TIAM2: variants seen among roughly 807,000 people sequenced by gnomAD.
TIAM2 encodes TIAM Rac1 associated GEF 2, also known as rho guanine nucleotide exchange factor TIAM2.
Under a neutral mutation model 152.9 loss-of-function variants are expected in TIAM2, and 80 were observed. That is an observed-to-expected ratio of 0.52 (90% CI 0.44 to 0.63). TIAM2 has a LOEUF of 0.63. TIAM2 is among the 30% of genes least tolerant of loss of function. TIAM2 has a pLI of 0.00. For missense variants in TIAM2, 1,965 were observed against 2,120.1 expected (o/e 0.93, Z 1.44); for synonymous variants, 804 against 838.0 (o/e 0.96, Z 0.70).
chr6:155,220,294 C>T (rs1562358543), intron 15 of TIAM2, among the ~76,000 whole-genome samples: 1 of 152,232 alleles, frequency 6.6e-6, no homozygotes, highest in Non-Finnish European at 1.5e-5. Context: ...TTGGCTGGGG[C>T]TCAGAGTCTG....
rs1194444609 is a variant in TIAM2 at position 155,078,864 on chromosome 6, T to C, written c.-208-11425T>C. Among the ~76,000 whole-genome samples, 3 of 152,242 alleles carry C rather than the reference T, an allele frequency of 2.0e-5. No individual in the cohort carries two copies. The East Asian group carries it at 5.8e-4, about 29-fold the overall frequency. Reference sequence around the variant, plus strand: ...ATGTTTTCCGTTAGGTGTGTTTTGTTTGCTTCTCCCTTTAAGCTGGATCCC... The same window carrying C: ...ATGTTTTCCGTTAGGTGTGTTTTGTCTGCTTCTCCCTTTAAGCTGGATCCC... On this transcript the variant is annotated intron_variant, in intron 1 of 26. Transcript: ENST00000682666.
At chr6:155,165,671 C>T (rs1208068548) in intron 9 of TIAM2, among the ~76,000 whole-genome samples, 1 of 152,244 alleles carries the variant, frequency 6.6e-6, no homozygotes, top group East Asian at 1.9e-4. Flanking sequence ...GCCTATAGTC[C>T]CAGCTACTCG....
At chr6:155,025,138 C>T (rs9371849) in intron 1 of TIAM2, among the ~76,000 whole-genome samples, 58,387 of 150,356 alleles carry the variant, frequency 0.39, 11,708 homozygotes, top group African/African-American at 0.49. Context: ...GTGATTCTTC[C>T]GCCTCAGTCT....
intron 1 of TIAM2, among the ~76,000 whole-genome samples, chr6:155,075,011 T>C (rs773147430): frequency 1.3e-5 from 2 of 151,854 alleles, no homozygotes; most frequent in Non-Finnish European, 2.9e-5. Context: ...TAAGTCTGGA[T>C]AAGGACGGTG....
At chr6:155,003,816 A>G (rs1778355351) in intron 1 of TIAM2, among the ~76,000 whole-genome samples, 1 of 152,124 alleles carries the variant, frequency 6.6e-6, no homozygotes, top group South Asian at 2.1e-4. Context: ...CCCTGTCTAT[A>G]CTAAAAATAC....
At chr6:155,122,726 C>T (rs1354911219) in intron 2 of TIAM2, among the ~76,000 whole-genome samples, 3 of 152,048 alleles carry the variant, frequency 2.0e-5, no homozygotes, top group East Asian at 3.8e-4. Context: ...CCCTGGGCCT[C>T]GCCACACGTT....
chr6:155,054,667 C>G (rs1223317915), intron 1 of TIAM2, among the ~76,000 whole-genome samples: 1 of 151,904 alleles, frequency 6.6e-6, no homozygotes, highest in South Asian at 2.1e-4. Context: ...TGCAACCTCC[C>G]GCCCCCTGGG....
chr6:155,059,833 C>T (rs1356435394), intron 1 of TIAM2, among the ~76,000 whole-genome samples: 1 of 152,054 alleles, frequency 6.6e-6, no homozygotes, highest in Non-Finnish European at 1.5e-5. Context: ...TTTCTCTATT[C>T]ATTAGAAGCA....
chr6:155,191,927 G>C (rs951225249), intron 14 of TIAM2, among the ~76,000 whole-genome samples: 3 of 152,126 alleles, frequency 2.0e-5, no homozygotes, highest in African/African-American at 7.2e-5. Context: ...GTCCACATTC[G>C]AATCCCCAGA....
intron 16 of TIAM2, among the ~76,000 whole-genome samples, chr6:155,241,340 C>G (rs1783023545): frequency 6.6e-6 from 1 of 152,170 alleles, no homozygotes; most frequent in Admixed American, 6.5e-5. Context: ...GCTTTGTTTC[C>G]TGGAGCTTTG....
chr6:155,226,158 C>T (rs1397409435), intron 15 of TIAM2, among the ~76,000 whole-genome samples: 1 of 152,210 alleles, frequency 6.6e-6, no homozygotes, highest in East Asian at 1.9e-4. Context: ...TGGACCCTGT[C>T]TCCCTGCCCC....
At chr6:155,159,084 G>A (rs957374188) in intron 7 of TIAM2, among the ~76,000 whole-genome samples, 7 of 151,966 alleles carry the variant, frequency 4.6e-5, no homozygotes, top group Non-Finnish European at 8.8e-5. Flanking sequence ...TTTAAAATAT[G>A]TATCTTTGTC....
At chr6:155,136,369 G>T (rs1011942867) in intron 4 of TIAM2, among the ~76,000 whole-genome samples, 3 of 151,688 alleles carry the variant, frequency 2.0e-5, no homozygotes, top group Non-Finnish European at 4.4e-5. Context: ...CTGCCTTCCA[G>T]GTTCAGGTGA....
chr6:155,165,372 C>G lies in TIAM2; in HGVS notation c.2324C>G (p.Ala775Gly). The change falls in exon 9 of 27, where the codon GCC (alanine) becomes GGC (glycine). Residue 775 changes from alanine (A) to glycine (G), a missense_variant. Transcript: ENST00000682666. ...TCGTTAAAAGGGCTGGACACACTGGCCAGAAAAGGCAAGGAGAAGAGACCT... is the reference window on the plus strand; with the variant it reads ...TCGTTAAAAGGGCTGGACACACTGGGCAGAAAAGGCAAGGAGAAGAGACCT... ...FSSLKGLDTL[A>G]RKGKEKRPSI... is the part of the protein sequence containing the mutation. 1 of 1,613,914 alleles carries G rather than the reference C, an allele frequency of 6.2e-7. No individual in the cohort carries two copies. The highest frequency in any genetic ancestry group is 8.5e-7 in the Non-Finnish European group (1 of 1,179,960).
rs374521659 is a variant in TIAM2, at chr6:155,137,428, C to T, written c.1446C>T (p.Thr482=). Residue 482 remains threonine, a synonymous_variant, in exon 5 of 27, where the codon ACC becomes ACT. Transcript: ENST00000682666. ...AGAACATAGAAACATCTACAGAAAC[C>T]GCCGAGTCCAGCAGCGAGTCACTCA... The part of the protein sequence containing the change: ...NTENIETSTE[T]AESSSESLSS... 112 of 1,614,034 alleles carry T rather than the reference C, an allele frequency of 6.9e-5. 1 individual carries two copies. Among genetic ancestry groups the T allele is most frequent in the African/African-American group, 1.2e-4 (9 of 74,920 alleles).
chr6:155,239,176 A>C (rs1782910538), intron 15 of TIAM2, among the ~76,000 whole-genome samples: 1 of 152,260 alleles, frequency 6.6e-6, no homozygotes, highest in South Asian at 2.1e-4. Context: ...TTCTTACCCA[A>C]GACAGAGATG....
In TIAM2 at chr6:155,201,698, C is replaced by T. The variant is rs76232526; in HGVS notation, c.3065-9506C>T. Among the ~76,000 whole-genome samples, 1,049 of 152,306 alleles carry T rather than the reference C, an allele frequency of 6.9e-3. 16 individuals are homozygous for T. Among genetic ancestry groups the T allele is most frequent in the African/African-American group, 0.023 (950 of 41,556 alleles). On this transcript the variant is annotated intron_variant, in intron 14 of 26. Transcript: ENST00000682666. ...CAGTCAGTGTGGAGGTGGCTGGCAG[C>T]ACCTTTCTACTGTGAGAACATCTGC...
intron 14 of TIAM2, among the ~76,000 whole-genome samples, chr6:155,210,564 T>C (rs979555299): frequency 2.0e-5 from 3 of 152,132 alleles, no homozygotes; most frequent in Non-Finnish European, 4.4e-5. Context: ...CTCGAACTCC[T>C]GGTCTTAAGT....
At chr6:155,068,078 T>A (rs1333960024) in intron 1 of TIAM2, among the ~76,000 whole-genome samples, 1 of 152,204 alleles carries the variant, frequency 6.6e-6, no homozygotes, top group Admixed American at 6.5e-5. Context: ...AACATCTTAG[T>A]ATAGACAGTT....
Sources: gnomAD v4.1 joint callset for allele counts (sites outside exome capture counted in the v4.1 genomes callset) on GRCh38, gnomAD v4.1.1 for gene constraint, MANE v1.5 for transcripts, NCBI Gene and HGNC (gene_info 2026-07-23, HGNC 2026-07-21) for gene names.